The following PTPRD variants were observed in gnomAD, a reference collection of about 807,000 sequenced individuals.
PTPRD encodes the protein receptor-type tyrosine-protein phosphatase delta.
In PTPRD, 34 loss-of-function variants were observed where a neutral mutation model predicts 214.5. That is an observed-to-expected ratio of 0.16 (90% confidence interval 0.12 to 0.21). PTPRD has a LOEUF of 0.21. Among genes scored for constraint, PTPRD ranks in the 10% least tolerant of loss-of-function variants. PTPRD has a pLI of 1.00. For missense variants in PTPRD, 2,545 were observed against 2,398.7 expected (o/e 1.06, Z -1.27); for synonymous variants, 1,128 against 845.7 (o/e 1.33, Z -5.79).
intron 11 of PTPRD, among the ~76,000 whole-genome samples, chr9:8,737,909 A>G (rs2090877468): frequency 6.6e-6 from 1 of 151,436 alleles, no homozygotes. Context: ...TCGGCCTCCC[A>G]ACGTGCTGGG....
chr9:8,851,903 T>C (rs12683467), intron 11 of PTPRD, among the ~76,000 whole-genome samples: 1 of 152,062 alleles, frequency 6.6e-6, no homozygotes. Context: ...GAAAGGAACC[T>C]GGGTCGAGAT....
chr9:8,934,692 G>T (rs576186652), intron 11 of PTPRD, among the ~76,000 whole-genome samples: 1 of 149,870 alleles, frequency 6.7e-6, no homozygotes, highest in South Asian at 2.1e-4. Context: ...TAGTCGCCAT[G>T]CTATACATGA....
chr9:10,327,091 T>C (rs2096656669), intron 3 of PTPRD, among the ~76,000 whole-genome samples: 1 of 150,644 alleles, frequency 6.6e-6, no homozygotes, highest in Non-Finnish European at 1.5e-5. Flanking sequence ...ACATTAAACA[T>C]GCACATATAT....
intron 7 of PTPRD, among the ~76,000 whole-genome samples, chr9:9,655,728 C>T (rs545013974): frequency 5.3e-5 from 8 of 150,452 alleles, no homozygotes; most frequent in Non-Finnish European, 1.2e-4. Context: ...CTGTAATCCC[C>T]GCACTTTGGG....
intron 3 of PTPRD, among the ~76,000 whole-genome samples, chr9:10,087,427 T>A (rs1270294423): frequency 2.0e-5 from 3 of 151,666 alleles, no homozygotes; most frequent in African/African-American, 7.3e-5. Flanking sequence ...ACACTATCTA[T>A]TGAAGATGTG....
intron 11 of PTPRD, among the ~76,000 whole-genome samples, chr9:8,844,646 G>C (rs964473283): frequency 6.6e-6 from 1 of 152,100 alleles, no homozygotes; most frequent in African/African-American, 2.4e-5. Context: ...TGATTTAATA[G>C]CTGCCACAAA....
intron 12 of PTPRD, among the ~76,000 whole-genome samples, chr9:8,721,119 G>A (rs888335357): frequency 1.3e-5 from 2 of 151,278 alleles, no homozygotes; most frequent in African/African-American, 2.4e-5. Context: ...AGGAACAAAT[G>A]AGATTAAGAA....
At chr9:8,673,056 C>T (rs1040456474) in intron 12 of PTPRD, among the ~76,000 whole-genome samples, 1 of 151,896 alleles carries the variant, frequency 6.6e-6, no homozygotes. Context: ...TCATAAAACA[C>T]TTGATTTTTT....
At chr9:8,351,742 TAAAAAAAAA>T (rs71317359) in intron 39 of PTPRD, among the ~76,000 whole-genome samples, 3 of 68,518 alleles carry the variant, frequency 4.4e-5, no homozygotes, top group African/African-American at 2.2e-4. Context: ...TGGCAAAGAG[TAAAAAAAAA>T]AAAAAAAAAA....
chr9:10,105,431 C>T (rs1171523060), intron 3 of PTPRD, among the ~76,000 whole-genome samples: 1 of 151,786 alleles, frequency 6.6e-6, no homozygotes, highest in Non-Finnish European at 1.5e-5. Flanking sequence ...TCTGCAGTGG[C>T]AGTGTTTTAT....
intron 33 of PTPRD, among the ~76,000 whole-genome samples, chr9:8,455,471 T>C (rs1220434991): frequency 6.6e-6 from 1 of 152,190 alleles, no homozygotes; most frequent in African/African-American, 2.4e-5. Flanking sequence ...AATCTTCACT[T>C]TGAGGCAAAT....
At chr9:10,551,481 C>T (rs191375352) in intron 2 of PTPRD, among the ~76,000 whole-genome samples, 41 of 152,092 alleles carry the variant, frequency 2.7e-4, no homozygotes, top group African/African-American at 9.2e-4. Flanking sequence ...GGAGTAGAGA[C>T]TTTTAAGAGG....
At chr9:10,397,013 G>C (rs186767575) in intron 2 of PTPRD, among the ~76,000 whole-genome samples, 7 of 152,090 alleles carry the variant, frequency 4.6e-5, no homozygotes, top group Admixed American at 3.3e-4. Context: ...CTACAGGCAG[G>C]TGTGGGGCTC....
chr9:9,301,097 G>C (rs1034280129), intron 9 of PTPRD, among the ~76,000 whole-genome samples: 1 of 151,690 alleles, frequency 6.6e-6, no homozygotes, highest in Non-Finnish European at 1.5e-5. Context: ...TATAATTTAA[G>C]ATTCTTGTGA....
At chr9:8,678,137 G>A (rs1021201908) in intron 12 of PTPRD, among the ~76,000 whole-genome samples, 3 of 152,132 alleles carry the variant, frequency 2.0e-5, no homozygotes, top group South Asian at 2.1e-4. Context: ...AGTTTTGAAC[G>A]CATTAAACAT....
chr9:9,247,772 T>C (rs982786825), intron 9 of PTPRD, among the ~76,000 whole-genome samples: 2 of 152,040 alleles, frequency 1.3e-5, no homozygotes, highest in Non-Finnish European at 2.9e-5. Context: ...ATGTAAGAGA[T>C]ATATTCCAAT....
At position 9,098,006 on chromosome 9, in the gene PTPRD, G is replaced by C. The variant is rs545439682; in HGVS notation, c.-142-79271C>G. 8.6e-5 allele frequency among the ~76,000 whole-genome samples: 13 copies of C among 152,020 alleles called. 1 individual carries two copies. In the South Asian group the frequency reaches 2.7e-3, roughly 32 times the overall value. Reference sequence around the variant, plus strand: ...GGATGTGATAACTCAGTGGTCAAGGGATTTTGTTTATTAGAAGTGTTTTAA... The same window carrying C: ...GGATGTGATAACTCAGTGGTCAAGGCATTTTGTTTATTAGAAGTGTTTTAA... On this transcript the variant is annotated intron_variant, in intron 10 of 45. Transcript: ENST00000381196.
Position 8,607,597 on chromosome 9 carries a change from T to G in PTPRD, c.352+25720A>C, listed in dbSNP as rs146998503. ...GGGAGAAGTTGCACTGAGCCAAGAC[T>G]GCGCCACTGCACTCCAGCCTGGGAG... On this transcript the variant is annotated intron_variant, in intron 14 of 45. Transcript: ENST00000381196. Among the ~76,000 whole-genome samples the G allele has an allele frequency of 2.1e-3, 327 of 152,160 alleles. 2 individuals carry two copies. The highest frequency in any genetic ancestry group is 4.1e-3 in the Non-Finnish European group (278 of 67,990).
At chr9:10,579,837 G>C (rs577799874) in intron 2 of PTPRD, among the ~76,000 whole-genome samples, 7 of 152,134 alleles carry the variant, frequency 4.6e-5, no homozygotes, top group Non-Finnish European at 5.9e-5. Flanking sequence ...GTTTTGATTT[G>C]AATTTTTCTG....
Sources: gnomAD v4.1 joint callset for allele counts (sites outside exome capture counted in the v4.1 genomes callset) on GRCh38, gnomAD v4.1.1 for gene constraint, MANE v1.5 for transcripts, NCBI Gene and HGNC (gene_info 2026-07-23, HGNC 2026-07-21) for gene names.